The following ANKRD22 variants were observed in gnomAD, a reference collection of about 807,000 sequenced individuals.
The protein encoded by ANKRD22 is ankyrin repeat domain-containing protein 22.
Under a neutral mutation model 25.7 loss-of-function variants are expected in ANKRD22, and 24 were observed. The ratio of observed to expected loss-of-function variants is 0.93; its 90% CI spans 0.68 to 1.31. The LOEUF is 1.31. ANKRD22 is among the 50% of genes most tolerant of loss of function. The pLI, the probability that ANKRD22 is intolerant of heterozygous loss-of-function variation, is 0.00. For missense variants in ANKRD22, 214 were observed against 227.1 expected (o/e 0.94, Z 0.37); for synonymous variants, 84 against 84.3 (o/e 1.00, Z 0.02).
At chr10:88,846,927 A>G (rs1161992812) in intron 1 of ANKRD22, among the ~76,000 whole-genome samples, 1 of 152,194 alleles carries the variant, frequency 6.6e-6, no homozygotes, top group Non-Finnish European at 1.5e-5. Flanking sequence ...CTTTCTGATC[A>G]GCAGATGTTT....
chr10:88,834,706 G>T (rs1200359203), intron 1 of ANKRD22, among the ~76,000 whole-genome samples: 1 of 152,156 alleles, frequency 6.6e-6, no homozygotes, highest in Non-Finnish European at 1.5e-5. Flanking sequence ...AGGCCGAGGT[G>T]GGTGGATCAC....
At chr10:88,830,480 G>T (rs1843893436) in intron 2 of ANKRD22, among the ~76,000 whole-genome samples, 1 of 152,122 alleles carries the variant, frequency 6.6e-6, no homozygotes, top group Non-Finnish European at 1.5e-5. Flanking sequence ...TTTATAAACA[G>T]ATTTCAGACA....
At chr10:88,842,812 C>T (rs1844014551) in intron 1 of ANKRD22, among the ~76,000 whole-genome samples, 1 of 152,096 alleles carries the variant, frequency 6.6e-6, no homozygotes, top group Non-Finnish European at 1.5e-5. Flanking sequence ...ATATCAGTAA[C>T]ATTTCACACA....
chr10:88,827,744 A>G (rs1054883774), intron 3 of ANKRD22, among the ~76,000 whole-genome samples: 3 of 152,208 alleles, frequency 2.0e-5, no homozygotes, highest in African/African-American at 7.2e-5. Context: ...TGACGGGCAG[A>G]CTTGTTCTGC....
At chr10:88,836,060 T>A (rs1325655055) in intron 1 of ANKRD22, among the ~76,000 whole-genome samples, 1 of 152,194 alleles carries the variant, frequency 6.6e-6, no homozygotes. Flanking sequence ...CCATCCTCAC[T>A]GCTAAAGTAC....
intron 2 of ANKRD22, among the ~76,000 whole-genome samples, chr10:88,831,455 A>G (rs1276091385): frequency 6.6e-6 from 1 of 152,176 alleles, no homozygotes; most frequent in East Asian, 1.9e-4. Flanking sequence ...AAATCTAACT[A>G]ATGAAACAGC....
intron 4 of ANKRD22, 144 bp downstream of exon 4, chr10:88,825,894 T>C (rs1843851088): frequency 1.5e-6 from 1 of 650,648 alleles, no homozygotes; most frequent in South Asian, 2.2e-5. Flanking sequence ...AGGTTGCCTG[T>C]CAGTGGGAAA....
Position 88,827,282 on chromosome 10 carries a change from A to G in ANKRD22, c.322-1167T>C, listed in dbSNP as rs914003633. ...TTCCTCTCATGTCACTTATTTGTTA[A>G]TTCATCACAAATTTACAACTTTAGG... On this transcript the variant is annotated intron_variant, in intron 3 of 5. Transcript: ENST00000371930. Among the ~76,000 whole-genome samples, 52 of 152,080 alleles carry G rather than the reference A, an allele frequency of 3.4e-4. 1 individual carries two copies. Among genetic ancestry groups the G allele is most frequent in the African/African-American group, 1.2e-3 (50 of 41,388 alleles).
chr10:88,841,304 T>C (rs962507323), intron 1 of ANKRD22, among the ~76,000 whole-genome samples: 2 of 152,020 alleles, frequency 1.3e-5, no homozygotes, highest in Admixed American at 1.3e-4. Context: ...CACAGAGGTA[T>C]TCACAGAGAA....
In ANKRD22 at chr10:88,831,976, C is replaced by T. The variant is rs765255974; in HGVS notation, c.72G>A (p.Trp24Ter). ...YQNDFGQVWR[W>*]VKEDSSYANV... is the part of the protein sequence containing the mutation. ...TGGCATAGCTGCTGTCTTCTTTCAC[C>T]CACCGCCACACTTGTCCAAAGTCAT... is the stretch of plus-strand genomic sequence containing the variant. Residue 24 changes from tryptophan (W) to a stop codon, truncating the protein, a stop_gained, in exon 2 of 6, where the codon TGG becomes TGA. Transcript: ENST00000371930. LOFTEE classifies it high-confidence loss of function. The T allele has an allele frequency of 6.2e-7, 1 of 1,613,814 alleles. No individual in the cohort carries two copies. Among genetic ancestry groups the T allele is most frequent in the Non-Finnish European group, 8.5e-7 (1 of 1,179,882 alleles).
At position 88,821,759 on chromosome 10, in the gene ANKRD22, C is replaced by T. The variant is rs1022804766; in HGVS notation, c.*1182G>A. On this transcript the variant is annotated 3_prime_UTR_variant, in exon 6 of 6. Transcript: ENST00000371930. ...CTTATACTGTACTTGTTACCACATACAAAGAGGCTGGCTTAGTTCCTGTCT... is the reference window on the plus strand; with the variant it reads ...CTTATACTGTACTTGTTACCACATATAAAGAGGCTGGCTTAGTTCCTGTCT... 2.0e-5 allele frequency among the ~76,000 whole-genome samples: 3 copies of T among 152,174 alleles called. No individual in the cohort carries two copies. The highest frequency in any genetic ancestry group is 7.2e-5 in the African/African-American group (3 of 41,442).
At chr10:88,845,341 A>C (rs1178451735) in intron 1 of ANKRD22, among the ~76,000 whole-genome samples, 1 of 151,968 alleles carries the variant, frequency 6.6e-6, no homozygotes, top group Non-Finnish European at 1.5e-5. Flanking sequence ...CTATCTCTAC[A>C]TTCTTTCCAT....
At chr10:88,849,926 A>C (rs960351284) in intron 1 of ANKRD22, among the ~76,000 whole-genome samples, 1 of 152,004 alleles carries the variant, frequency 6.6e-6, no homozygotes, top group Non-Finnish European at 1.5e-5. Context: ...CATAACTATT[A>C]GCACTGCAAA....
At chr10:88,832,720 T>C (rs1367485514) in intron 1 of ANKRD22, among the ~76,000 whole-genome samples, 1 of 152,156 alleles carries the variant, frequency 6.6e-6, no homozygotes, top group African/African-American at 2.4e-5. Context: ...TACACTTGAT[T>C]AGATGCTGTT....
chr10:88,837,262 A>G (rs1843962999), intron 1 of ANKRD22, among the ~76,000 whole-genome samples: 1 of 152,222 alleles, frequency 6.6e-6, no homozygotes, highest in South Asian at 2.1e-4. Context: ...TGCCTTCTTT[A>G]TAAGTTTCAG....
rs1480561155 is a variant in ANKRD22, at chr10:88,822,412, T to A, written c.*529A>T. On this transcript the variant is annotated 3_prime_UTR_variant, in exon 6 of 6. Coordinates refer to ENST00000371930, the MANE Select transcript of ANKRD22 (RefSeq NM_144590.3). ...ACTCAAAGGGGGCTGGGAGGAACAG[T>A]TTGTCTCCTAGGGCATGACATAGAC... The A allele has an allele frequency of 6.6e-6, 1 of 152,410 alleles. No homozygotes were observed. The highest frequency in any genetic ancestry group is 6.6e-5 in the Admixed American group (1 of 15,260). 9.4% of individuals were successfully genotyped at this position (152,410 alleles called of 1,614,324 possible). A position where few individuals can be genotyped will look rare whatever the true frequency, so the allele number is the denominator to read the frequency against.
Position 88,822,064 on chromosome 10 carries a change from G to T in ANKRD22, c.*877C>A, listed in dbSNP as rs772591848. 6.6e-6 allele frequency: 1 copy of T among 152,136 alleles called. No homozygotes were observed. Among genetic ancestry groups the T allele is most frequent in the East Asian group, 1.9e-4 (1 of 5,202 alleles). The allele number at this position is 152,136 out of a possible 1,614,324, so 9.4% of individuals were successfully genotyped here. On this transcript the variant is annotated 3_prime_UTR_variant, in exon 6 of 6. Coordinates refer to ENST00000371930, the MANE Select transcript of ANKRD22 (RefSeq NM_144590.3). ...CTTGTATTTACAAAAGGATCATGAA[G>T]ATTTTTTTAAACGAACATTTTCATA...
intron 1 of ANKRD22, among the ~76,000 whole-genome samples, chr10:88,841,705 A>C (rs550663135): frequency 1.3e-5 from 2 of 152,300 alleles, no homozygotes; most frequent in African/African-American, 4.8e-5. Context: ...ACTTAACTTC[A>C]GCTATTTCTT....
Position 88,822,814 on chromosome 10 carries a change from G to A in ANKRD22, c.*127C>T, listed in dbSNP as rs1843812733. 1.3e-6 allele frequency: 1 copy of A among 797,602 alleles called. No individual in the cohort carries two copies. The highest frequency in any genetic ancestry group is 2.5e-5 in the East Asian group (1 of 40,780). The allele number at this position is 797,602 out of a possible 1,614,324, so 49.4% of individuals were successfully genotyped here. A position where few individuals can be genotyped will look rare whatever the true frequency, so the allele number is the denominator to read the frequency against. On this transcript the variant is annotated 3_prime_UTR_variant, in exon 6 of 6. Coordinates refer to ENST00000371930, the MANE Select transcript of ANKRD22 (RefSeq NM_144590.3). ...AAAGCTCTTCCAAAACATTAACCAT[G>A]GTAAGCATCATTATCCCCATAAAAT...
Sources: gnomAD v4.1 joint callset for allele counts (sites outside exome capture counted in the v4.1 genomes callset) on GRCh38, gnomAD v4.1.1 for gene constraint, MANE v1.5 for transcripts, NCBI Gene and HGNC (gene_info 2026-07-23, HGNC 2026-07-21) for gene names.